Variants in TRPM3 observed in about 807,000 individuals in gnomAD.
The protein encoded by TRPM3 is transient receptor potential cation channel subfamily M member 3, also known as long transient receptor potential channel 3.
In TRPM3, 77 loss-of-function variants were observed where a neutral mutation model predicts 181.2. The ratio of observed to expected loss-of-function variants is 0.42; its 90% CI spans 0.35 to 0.51. The LOEUF (loss-of-function observed/expected upper bound fraction) is 0.51. TRPM3 is among the 20% of genes least tolerant of loss of function. The pLI is 0.01. For synonymous variants in TRPM3, 745 were observed against 796.4 expected, an observed-to-expected ratio of 0.94 and a Z score of 1.09; for missense variants, 1,759 against 2,196.7, an observed-to-expected ratio of 0.80 and a Z score of 3.98.
chr9:70,789,671 C>T (rs1322143675), intron 6 of TRPM3, among the ~76,000 whole-genome samples: 2 of 152,178 alleles, frequency 1.3e-5, no homozygotes, highest in African/African-American at 4.8e-5. Flanking sequence ...AAGATGCTTG[C>T]CACACTCTCC....
chr9:71,359,011 A>G (rs773103211), intron 1 of TRPM3, among the ~76,000 whole-genome samples: 5 of 152,208 alleles, frequency 3.3e-5, no homozygotes, highest in Non-Finnish European at 5.9e-5. Flanking sequence ...AGAATTTGGT[A>G]ATACTTCTTT....
At chr9:70,542,616 A>T (rs76131723) in intron 25 of TRPM3, among the ~76,000 whole-genome samples, 4,411 of 152,260 alleles carry the variant, frequency 0.029, 234 homozygotes, top group African/African-American at 0.099. Flanking sequence ...TTCCACATGC[A>T]ATTTCTTAAG....
chr9:70,826,264 G>A (rs2093551700), intron 6 of TRPM3: 3 of 152,252 alleles, frequency 2.0e-5, no homozygotes, highest in Middle Eastern at 6.8e-3. Flanking sequence ...CTCAATTTTA[G>A]TATTTACAGT....
chr9:70,680,619 T>C (rs995600340), intron 9 of TRPM3, among the ~76,000 whole-genome samples: 4 of 152,296 alleles, frequency 2.6e-5, no homozygotes, highest in African/African-American at 9.6e-5. Flanking sequence ...TGACCAACCA[T>C]GACTCTACAG....
At chr9:70,760,666 C>CT (rs60439100) in intron 8 of TRPM3, 20,530 of 142,482 alleles carry the variant, frequency 0.14, 1,461 homozygotes, top group South Asian at 0.22. Flanking sequence ...TAATCAATTC[C>CT]TTTTTTTTTT....
At chr9:71,215,590 G>C (rs1341264632) in intron 1 of TRPM3, among the ~76,000 whole-genome samples, 1 of 152,176 alleles carries the variant, frequency 6.6e-6, no homozygotes, top group Admixed American at 6.5e-5. Flanking sequence ...TGTATTATTG[G>C]ATTACTACTA....
Position 71,133,292 on chromosome 9 carries a change from C to CTTTTTTTTTTTTTTT in TRPM3, c.184-268796_184-268782dup, listed in dbSNP as rs761379173. Among the ~76,000 whole-genome samples, 101 of 72,330 alleles carry CTTTTTTTTTTTTTTT rather than the reference C, an allele frequency of 1.4e-3. 14 individuals are homozygous for CTTTTTTTTTTTTTTT. Among genetic ancestry groups the CTTTTTTTTTTTTTTT allele is most frequent in the Middle Eastern group, 0.043 (2 of 46 alleles). The allele number at this position is 72,330 out of a possible 152,430, so 47.5% of individuals were successfully genotyped here. A position where few individuals can be genotyped will look rare whatever the true frequency, so the allele number is the denominator to read the frequency against. On this transcript the variant is annotated intron_variant, in intron 1 of 24. Coordinates refer to the TRPM3 transcript ENST00000357533. ...CATTTGTAATTCTTCTAGCAAATTG[C>CTTTTTTTTTTTTTTT]TTTTTTTTTTTTTTTTTTTGAGACA...
intron 1 of TRPM3, among the ~76,000 whole-genome samples, chr9:71,190,002 T>G (rs1050662846): frequency 6.6e-6 from 1 of 151,908 alleles, no homozygotes; most frequent in African/African-American, 2.4e-5. Flanking sequence ...AACAGAGGAT[T>G]TGTTCTTGTT....
intron 22 of TRPM3, among the ~76,000 whole-genome samples, chr9:70,583,383 G>A (rs1457113558): frequency 2.0e-5 from 3 of 152,144 alleles, no homozygotes; most frequent in Non-Finnish European, 2.9e-5. Context: ...GGTTACCTAT[G>A]ACTTATAGTC....
At chr9:71,152,509 T>C (rs1420873661) in intron 1 of TRPM3, among the ~76,000 whole-genome samples, 2 of 152,196 alleles carry the variant, frequency 1.3e-5, no homozygotes, top group African/African-American at 4.8e-5. Flanking sequence ...AGATCATTTA[T>C]ACCCAATGAA....
intron 1 of TRPM3, among the ~76,000 whole-genome samples, chr9:71,098,598 G>T (rs1447538901): frequency 1.3e-5 from 2 of 152,026 alleles, no homozygotes; most frequent in African/African-American, 4.8e-5. Context: ...ACTTAGCCTC[G>T]CTAGACCTAA....
chr9:71,201,777 T>C (rs1176246221), intron 1 of TRPM3, among the ~76,000 whole-genome samples: 3 of 152,194 alleles, frequency 2.0e-5, no homozygotes, highest in Non-Finnish European at 4.4e-5. Flanking sequence ...GGTTTGAATT[T>C]CCTCCTGTAG....
intron 1 of TRPM3, among the ~76,000 whole-genome samples, chr9:71,225,511 C>T (rs1014140571): frequency 5.9e-5 from 9 of 152,150 alleles, no homozygotes; most frequent in African/African-American, 2.2e-4. Context: ...GAAAAGGACA[C>T]TAATGAGCAA....
intron 6 of TRPM3, among the ~76,000 whole-genome samples, chr9:70,795,580 C>A (rs2086818510): frequency 6.6e-6 from 1 of 152,240 alleles, no homozygotes; most frequent in Admixed American, 6.5e-5. Context: ...AAGGCTAACT[C>A]TTCCTGCTTT....
At chr9:71,370,738 C>T (rs1471804172) in intron 1 of TRPM3, among the ~76,000 whole-genome samples, 21 of 152,168 alleles carry the variant, frequency 1.4e-4, no homozygotes, top group Non-Finnish European at 2.9e-5. Flanking sequence ...AGGAAGATGG[C>T]CACACTAAAC....
At chr9:71,233,603 C>T (rs1007231669) in intron 1 of TRPM3, among the ~76,000 whole-genome samples, 9 of 152,098 alleles carry the variant, frequency 5.9e-5, no homozygotes, top group Non-Finnish European at 1.3e-4. Flanking sequence ...AATAACCACA[C>T]GAATCCTAGG....
chr9:71,047,521 G>T (rs1248382481), intron 1 of TRPM3, among the ~76,000 whole-genome samples: 1 of 152,130 alleles, frequency 6.6e-6, no homozygotes, highest in Non-Finnish European at 1.5e-5. Context: ...GAATTCCACC[G>T]ATAGGTTGAT....
intron 1 of TRPM3, among the ~76,000 whole-genome samples, chr9:71,009,032 A>G (rs2097708474): frequency 6.6e-6 from 1 of 152,230 alleles, no homozygotes; most frequent in Admixed American, 6.5e-5. Flanking sequence ...AAATCCTTTC[A>G]TGATAAAAAC....
In TRPM3 at chr9:70,572,197, A is replaced by G. The variant is rs73450186; in HGVS notation, c.3223+18834T>C. On this transcript the variant is annotated intron_variant, in intron 22 of 25. Transcript: ENST00000677713. Reference sequence around the variant, plus strand: ...AAAATTCCTTATGTTCAAATGTGGAATTCGTAATGCTTTCCTATGCTTTTT... The same window carrying G: ...AAAATTCCTTATGTTCAAATGTGGAGTTCGTAATGCTTTCCTATGCTTTTT... Among the ~76,000 whole-genome samples, 1,400 of 152,178 alleles carry G rather than the reference A, an allele frequency of 9.2e-3. 16 individuals are homozygous for G. The highest frequency in any genetic ancestry group is 0.032 in the African/African-American group (1,309 of 41,496).
Sources: allele counts gnomAD v4.1 joint callset (sites outside exome capture counted in the v4.1 genomes callset), GRCh38; gene constraint gnomAD v4.1.1; transcripts MANE v1.5; gene names NCBI Gene and HGNC (gene_info 2026-07-23, HGNC 2026-07-21).